Variants in KLHL32 observed in about 807,000 individuals in gnomAD.
KLHL32 encodes the protein kelch like family member 32.
In KLHL32, 35 loss-of-function variants were observed where a neutral mutation model predicts 64.8. That is an observed-to-expected ratio of 0.54 (90% CI 0.41 to 0.72). The LOEUF is 0.72. Among genes scored for constraint, KLHL32 ranks in the 30% least tolerant of loss-of-function variants. The pLI, the probability that KLHL32 is intolerant of heterozygous loss-of-function variation, is 0.00. For synonymous variants in KLHL32, 259 were observed against 281.0 expected (o/e 0.92, Z 0.78); for missense variants, 589 against 768.5 (o/e 0.77, Z 2.76).
At chr6:97,112,766 A>T (rs113424659) in intron 6 of KLHL32, among the ~76,000 whole-genome samples, 2,733 of 144,148 alleles carry the variant, frequency 0.019, 60 homozygotes, top group African/African-American at 0.058. Flanking sequence ...TTTTAATTTT[A>T]AAAAAAAAAA....
At chr6:96,911,303 C>G in the KLHL32 span, among the ~76,000 whole-genome samples, 1 of 152,178 alleles carries the variant, frequency 6.6e-6, no homozygotes, top group Non-Finnish European at 1.5e-5. Context: ...TGTGCACATA[C>G]AGATTACTGC....
At chr6:97,118,799 C>T (rs535568308) in intron 7 of KLHL32, among the ~76,000 whole-genome samples, 4 of 152,110 alleles carry the variant, frequency 2.6e-5, no homozygotes, top group East Asian at 3.9e-4. Flanking sequence ...AGTCCTGTTC[C>T]GGGATAGTGC....
intron 6 of KLHL32, among the ~76,000 whole-genome samples, chr6:97,106,831 T>C (rs1796479821): frequency 6.6e-6 from 1 of 152,160 alleles, no homozygotes; most frequent in Non-Finnish European, 1.5e-5. Context: ...TTTCCCTCAG[T>C]ATTTGTTCTT....
intron 3 of KLHL32, among the ~76,000 whole-genome samples, chr6:97,029,172 C>T (rs924894677): frequency 6.6e-6 from 1 of 152,086 alleles, no homozygotes; most frequent in Non-Finnish European, 1.5e-5. Flanking sequence ...AGACCCAGGT[C>T]GTTGAAACAT....
chr6:96,971,993 A>G (rs1267091609), intron 2 of KLHL32, among the ~76,000 whole-genome samples: 8 of 152,006 alleles, frequency 5.3e-5, no homozygotes, highest in Non-Finnish European at 1.0e-4. Context: ...GCTGGGATAC[A>G]GGCATGCGCC....
intron 3 of KLHL32, among the ~76,000 whole-genome samples, chr6:97,005,884 G>C (rs1377153763): frequency 2.0e-5 from 3 of 151,986 alleles, no homozygotes; most frequent in African/African-American, 7.2e-5. Flanking sequence ...TTAATTTTCT[G>C]AGGATTGTTT....
intron 4 of KLHL32, among the ~76,000 whole-genome samples, chr6:97,055,937 A>C (rs1258024985): frequency 6.6e-6 from 1 of 150,974 alleles, no homozygotes; most frequent in Non-Finnish European, 1.5e-5. Context: ...TCACTCATTT[A>C]TCACTCACTT....
rs1491403967 is a variant in KLHL32, at chr6:97,019,945, AAT to A, written c.205-21546_205-21545del. On this transcript the variant is annotated intron_variant, in intron 3 of 10. Coordinates refer to ENST00000369261, the MANE Select transcript of KLHL32 (RefSeq NM_052904.4). ...CAGGCGCCCATCACCACTCCCGGCG[AAT>A]TTTTTTTTTTTTTTTTTTGAGACAG... is the stretch of plus-strand genomic sequence containing the variant. Among the ~76,000 whole-genome samples, 11 of 76,748 alleles carry A rather than the reference AAT, an allele frequency of 1.4e-4. No homozygotes were observed. The East Asian group carries it at 6.4e-3, about 44-fold the overall frequency. 50.3% of individuals were successfully genotyped at this position (76,748 alleles called of 152,430 possible).
chr6:97,123,287 A>G (rs781435894), intron 7 of KLHL32, among the ~76,000 whole-genome samples: 1 of 152,132 alleles, frequency 6.6e-6, no homozygotes, highest in African/African-American at 2.4e-5. Flanking sequence ...GCAGAGACAA[A>G]GGTTGCTTGT....
chr6:96,905,088 A>T, the KLHL32 span, among the ~76,000 whole-genome samples: 1 of 152,172 alleles, frequency 6.6e-6, no homozygotes, highest in Non-Finnish European at 1.5e-5. Context: ...TTCCAATGAG[A>T]TCTTTTTTTT....
intron 3 of KLHL32, 60 bp downstream of exon 3, chr6:96,976,237 C>A: frequency 7.0e-7 from 1 of 1,433,460 alleles, no homozygotes; most frequent in Non-Finnish European, 9.4e-7. Context: ...ACAATGTTTC[C>A]CAAACTGTCA....
chr6:97,083,368 C>T (rs183736920), intron 5 of KLHL32, among the ~76,000 whole-genome samples: 35 of 147,652 alleles, frequency 2.4e-4, no homozygotes, highest in Non-Finnish European at 3.1e-4. Context: ...CCAGCCTGGG[C>T]GACAGAGCAA....
At chr6:96,961,847 C>T (rs1389484661) in intron 1 of KLHL32, among the ~76,000 whole-genome samples, 3 of 152,218 alleles carry the variant, frequency 2.0e-5, no homozygotes, top group Non-Finnish European at 4.4e-5. Flanking sequence ...GGTCCCTCTT[C>T]AGGCAGCTGT....
At position 97,109,844 on chromosome 6, in the gene KLHL32, AT is replaced by A. The variant is rs534891859; in HGVS notation, c.628-3937del. On this transcript the variant is annotated intron_variant, in intron 6 of 10. Transcript: ENST00000369261. ...TGTAAGGATATAAGAATGCCAAGAA[AT>A]TGGTTGCAGAGCAAAGCAATATCAG... Among the ~76,000 whole-genome samples, 60 of 152,350 alleles carry A rather than the reference AT, an allele frequency of 3.9e-4. 1 individual carries two copies. In the South Asian group the frequency reaches 7.2e-3, roughly 18 times the overall value.
intron 1 of KLHL32, among the ~76,000 whole-genome samples, chr6:96,931,941 T>C (rs766988513): frequency 3.3e-5 from 5 of 152,194 alleles, no homozygotes; most frequent in South Asian, 4.1e-4. Context: ...CCCCAAGCAA[T>C]AGTTATGGTT....
At chr6:97,114,777 A>G (rs1582199325) in intron 7 of KLHL32, among the ~76,000 whole-genome samples, 1 of 152,216 alleles carries the variant, frequency 6.6e-6, no homozygotes, top group Admixed American at 6.5e-5. Context: ...TTTTCCTACC[A>G]GAACTTCTCC....
the KLHL32 span, among the ~76,000 whole-genome samples, chr6:96,913,302 G>T: frequency 6.6e-6 from 1 of 152,070 alleles, no homozygotes; most frequent in African/African-American, 2.4e-5. Context: ...ATCTGGTATT[G>T]GCATTTGTCT....
At chr6:96,909,105 C>G in the KLHL32 span, among the ~76,000 whole-genome samples, 1 of 151,450 alleles carries the variant, frequency 6.6e-6, no homozygotes, top group Non-Finnish European at 1.5e-5. Flanking sequence ...CAGCTGACTT[C>G]TGCTGCTGGA....
chr6:97,072,563 G>A (rs1276678917), intron 5 of KLHL32, among the ~76,000 whole-genome samples: 1 of 39,298 alleles, frequency 2.5e-5, no homozygotes, highest in Non-Finnish European at 4.0e-5. Flanking sequence ...TATCTCTTTG[G>A]CTTTTTTTTT....
Sources: allele counts gnomAD v4.1 joint callset (sites outside exome capture counted in the v4.1 genomes callset), GRCh38; gene constraint gnomAD v4.1.1; transcripts MANE v1.5; gene names NCBI Gene and HGNC (gene_info 2026-07-23, HGNC 2026-07-21).